The following PPP2CA variants were observed in gnomAD, a reference collection of about 807,000 sequenced individuals.
The protein encoded by PPP2CA is protein phosphatase 2 catalytic subunit alpha, also known as serine/threonine-protein phosphatase 2A catalytic subunit alpha isoform.
In PPP2CA, 5 loss-of-function variants were observed where a neutral mutation model predicts 38.8. The ratio of observed to expected loss-of-function variants is 0.13; its 90% CI spans 0.07 to 0.27. The LOEUF is 0.27. PPP2CA is among the 10% of genes least tolerant of loss of function. The pLI, the probability that PPP2CA is intolerant of heterozygous loss-of-function variation, is 1.00. For missense variants in PPP2CA, 88 were observed against 389.7 expected (o/e 0.23, Z 6.52); for synonymous variants, 152 against 134.0 (o/e 1.13, Z -0.93).
At chr5:134,202,096 G>GA (rs1477372317) in intron 2 of PPP2CA, 75 bp from the exon 3 acceptor site, 11 of 1,426,990 alleles carry the variant, frequency 7.7e-6, no homozygotes, top group Non-Finnish European at 1.0e-5. Flanking sequence ...ACTTTCTATA[G>GA]AAAAAAATGC....
chr5:134,225,439 A>T (rs1580655524), intron 1 of PPP2CA: 2 of 259,160 alleles, frequency 7.7e-6, no homozygotes, highest in Admixed American at 5.7e-5. Flanking sequence ...AAGCCAGCTC[A>T]CCCTCAAAAC....
intron 1 of PPP2CA, among the ~76,000 whole-genome samples, chr5:134,214,383 G>A (rs1448388274): frequency 6.6e-6 from 1 of 152,102 alleles, no homozygotes; most frequent in East Asian, 1.9e-4. Context: ...AGACCTATAC[G>A]TGTACAGTAT....
chr5:134,209,279 G>GA (rs56150132), intron 1 of PPP2CA, among the ~76,000 whole-genome samples: 9 of 150,820 alleles, frequency 6.0e-5, no homozygotes, highest in Admixed American at 2.0e-4. Flanking sequence ...ACCGGAGGGG[G>GA]AAAAAAAAAA....
At chr5:134,221,238 A>T (rs1195079304) in intron 1 of PPP2CA, among the ~76,000 whole-genome samples, 1 of 152,156 alleles carries the variant, frequency 6.6e-6, no homozygotes, top group South Asian at 2.1e-4. Context: ...CAGCCTCCCC[A>T]GTAGCTGAGA....
At chr5:134,202,268 G>A (rs1462277150) in intron 2 of PPP2CA, 3 of 390,940 alleles carry the variant, frequency 7.7e-6, no homozygotes, top group South Asian at 4.7e-5. Flanking sequence ...ATAAATCAAT[G>A]GGCTATTAAA....
Position 134,226,030 on chromosome 5 carries a change from G to A in PPP2CA, c.-169C>T, listed in dbSNP as rs1274889612. ...GCAGTACTCGGCCGTCGGCCGCTGC[G>A]CCTCCTCCTCCGCTCGCTGAGGCTC... On this transcript the variant is annotated 5_prime_UTR_variant, in exon 1 of 7. Transcript: ENST00000481195. 3 of 553,724 alleles carry A rather than the reference G, an allele frequency of 5.4e-6. No individual in the cohort carries two copies. Among genetic ancestry groups the A allele is most frequent in the Non-Finnish European group, 9.3e-6 (3 of 321,108 alleles). The allele number at this position is 553,724 out of a possible 1,614,324, so 34.3% of individuals were successfully genotyped here. A position where few individuals can be genotyped will look rare whatever the true frequency, so the allele number is the denominator to read the frequency against.
At chr5:134,200,252 T>C in intron 5 of PPP2CA, 83 bp downstream of exon 5, 1 of 1,414,090 alleles carries the variant, frequency 7.1e-7, no homozygotes, top group Non-Finnish European at 9.4e-7. Context: ...TTCTCACAAA[T>C]GTCATTAATT....
intron 1 of PPP2CA, among the ~76,000 whole-genome samples, chr5:134,214,750 G>A (rs968834896): frequency 8.2e-5 from 10 of 121,306 alleles, no homozygotes; most frequent in African/African-American, 3.2e-4. Context: ...GTTATTTTAA[G>A]TAACTTTTTG....
At chr5:134,203,477 T>A (rs1194540583) in intron 2 of PPP2CA, 1 of 152,214 alleles carries the variant, frequency 6.6e-6, no homozygotes, top group Non-Finnish European at 1.5e-5. Flanking sequence ...GTCAGCACAG[T>A]TGGTTTCTTC....
chr5:134,210,736 G>C (rs1762186276), intron 1 of PPP2CA, among the ~76,000 whole-genome samples: 1 of 152,118 alleles, frequency 6.6e-6, no homozygotes, highest in African/African-American at 2.4e-5. Context: ...AGGAGGCTGA[G>C]GCAGGGGCAT....
At chr5:134,212,287 A>C (rs1182191172) in intron 1 of PPP2CA, among the ~76,000 whole-genome samples, 1 of 152,176 alleles carries the variant, frequency 6.6e-6, no homozygotes, top group Non-Finnish European at 1.5e-5. Context: ...GCATGTGCTC[A>C]CTTCTTGTCT....
chr5:134,212,936 C>T (rs1416977211), intron 1 of PPP2CA, among the ~76,000 whole-genome samples: 1 of 152,188 alleles, frequency 6.6e-6, no homozygotes, highest in African/African-American at 2.4e-5. Context: ...AGAAGTTAAG[C>T]TTAAAGCTAG....
chr5:134,213,019 A>G (rs1479415634), intron 1 of PPP2CA, among the ~76,000 whole-genome samples: 1 of 152,176 alleles, frequency 6.6e-6, no homozygotes, highest in Non-Finnish European at 1.5e-5. Context: ...AAGTACCAAT[A>G]TAAAAACTAC....
chr5:134,212,770 A>G (rs1762228104), intron 1 of PPP2CA, among the ~76,000 whole-genome samples: 1 of 152,260 alleles, frequency 6.6e-6, no homozygotes, highest in South Asian at 2.1e-4. Context: ...CACAAATAGT[A>G]AGTAAGCCAA....
intron 1 of PPP2CA, among the ~76,000 whole-genome samples, chr5:134,213,274 C>A (rs1762245441): frequency 6.6e-6 from 1 of 152,130 alleles, no homozygotes; most frequent in African/African-American, 2.4e-5. Flanking sequence ...AGCATTTAAG[C>A]CATTCTTTAG....
chr5:134,218,268 G>A (rs1415266469), intron 1 of PPP2CA, among the ~76,000 whole-genome samples: 1 of 152,076 alleles, frequency 6.6e-6, no homozygotes, highest in African/African-American at 2.4e-5. Context: ...TGGCTCTAAG[G>A]CTTAGGACCT....
intron 1 of PPP2CA, among the ~76,000 whole-genome samples, chr5:134,214,104 A>G (rs748326519): frequency 6.6e-6 from 1 of 152,132 alleles, no homozygotes; most frequent in African/African-American, 2.4e-5. Flanking sequence ...ACTCCAGCCT[A>G]TGCAACACAG....
intron 1 of PPP2CA, among the ~76,000 whole-genome samples, chr5:134,210,195 G>A (rs1014612427): frequency 4.6e-5 from 7 of 152,100 alleles, no homozygotes; most frequent in African/African-American, 1.7e-4. Context: ...CACCTAATAA[G>A]AGCGGCTTTA....
chr5:134,206,567 T>C (rs1020860822), intron 1 of PPP2CA, among the ~76,000 whole-genome samples: 3 of 152,178 alleles, frequency 2.0e-5, no homozygotes, highest in African/African-American at 7.2e-5. Flanking sequence ...AGTATGATCA[T>C]AGCTCACTGT....
Sources: allele counts gnomAD v4.1 joint callset (sites outside exome capture counted in the v4.1 genomes callset), GRCh38; gene constraint gnomAD v4.1.1; transcripts MANE v1.5; gene names NCBI Gene and HGNC (gene_info 2026-07-23, HGNC 2026-07-21).